Variants in RBM39 observed in about 807,000 individuals in gnomAD.
RBM39 encodes the protein RNA-binding protein 39.
Under a neutral mutation model 79.6 loss-of-function variants are expected in RBM39, and 12 were observed. The observed-to-expected ratio is 0.15, with a 90% CI of 0.10 to 0.24. The LOEUF is 0.24. Among genes scored for constraint, RBM39 ranks in the 10% least tolerant of loss-of-function variants. The probability of loss-of-function intolerance (pLI) is 1.00; values close to 1 mark genes in which losing one functional copy is unlikely to be tolerated. For missense variants in RBM39, 243 were observed against 653.4 expected, an observed-to-expected ratio of 0.37 and a Z score of 6.85; for synonymous variants, 185 against 208.4, an observed-to-expected ratio of 0.89 and a Z score of 0.97.
At chr20:35,719,957 A>G (rs1193264166) in intron 9 of RBM39, 2 of 265,576 alleles carry the variant, frequency 7.5e-6, no homozygotes, top group African/African-American at 4.7e-5. Flanking sequence ...TAATTTTTCT[A>G]TTTTTAGTAG....
chr20:35,738,391 G>A (rs965878146), intron 3 of RBM39, among the ~76,000 whole-genome samples: 1 of 152,146 alleles, frequency 6.6e-6, no homozygotes, highest in African/African-American at 2.4e-5. Context: ...CAAATAAAGT[G>A]TACAGATATA....
At chr20:35,741,705 G>A (rs190688538) in intron 1 of RBM39, 6 of 152,472 alleles carry the variant, frequency 3.9e-5, no homozygotes, top group African/African-American at 1.4e-4. Context: ...GGCCGGCCCA[G>A]GCCTCGAAGG....
At chr20:35,730,055 A>G (rs1392908242) in intron 4 of RBM39, among the ~76,000 whole-genome samples, 3 of 152,254 alleles carry the variant, frequency 2.0e-5, no homozygotes, top group Non-Finnish European at 4.4e-5. Context: ...TTAGTCATGC[A>G]ACTTAGGTAT....
intron 10 of RBM39, 70 bp from the exon 11 acceptor site, chr20:35,714,459 T>C: frequency 2.8e-6 from 4 of 1,443,926 alleles, no homozygotes; most frequent in South Asian, 1.5e-5. Context: ...TACTTAAAAA[T>C]ATATTTATAT....
chr20:35,721,931 T>C, intron 8 of RBM39, 54 bp from the exon 9 acceptor site: 1 of 1,556,444 alleles, frequency 6.4e-7, no homozygotes, highest in Non-Finnish European at 8.8e-7. Context: ...TTTAAAGACA[T>C]ACACCTTCCA....
intron 3 of RBM39, 113 bp downstream of exon 3, chr20:35,738,855 A>G: frequency 1.1e-6 from 1 of 936,154 alleles, no homozygotes; most frequent in Non-Finnish European, 1.6e-6. Flanking sequence ...TAAAAGCAGC[A>G]AAGAAAAGCT....
intron 9 of RBM39, among the ~76,000 whole-genome samples, chr20:35,718,980 A>G (rs1029281051): frequency 5.3e-5 from 8 of 152,072 alleles, no homozygotes; most frequent in Non-Finnish European, 1.2e-4. Flanking sequence ...AAAAAAAATA[A>G]TAAAATAAAC....
At chr20:35,708,815 A>C (rs571255391) in intron 13 of RBM39, 2 of 169,504 alleles carry the variant, frequency 1.2e-5, no homozygotes, top group Non-Finnish European at 2.6e-5. Flanking sequence ...AAAAAAGGTG[A>C]GTTTTATAGC....
intron 3 of RBM39, chr20:35,735,166 TG>T (rs2039776021): frequency 7.2e-7 from 1 of 1,380,118 alleles, no homozygotes; most frequent in African/African-American, 1.5e-5. Flanking sequence ...ATATTTCAAC[TG>T]TGTCATTTTA....
intron 12 of RBM39, 44 bp from the exon 13 acceptor site, chr20:35,709,318 G>A (rs781227754): frequency 1.4e-6 from 2 of 1,477,172 alleles, no homozygotes; most frequent in South Asian, 1.2e-5. Flanking sequence ...AACTAACAGG[G>A]TAAATGTCAG....
At chr20:35,713,284 C>T (rs932147238) in intron 11 of RBM39, 188 bp from the exon 12 acceptor site, 6 of 474,606 alleles carry the variant, frequency 1.3e-5, no homozygotes, top group African/African-American at 6.0e-5. Context: ...TCCCAGAGAT[C>T]GAGACCAACC....
chr20:35,716,547 G>A (rs2037155402), intron 10 of RBM39, among the ~76,000 whole-genome samples, 193 bp downstream of exon 10: 1 of 151,956 alleles, frequency 6.6e-6, no homozygotes, highest in Admixed American at 6.6e-5. Flanking sequence ...TTGTTACAAG[G>A]GCATATTACC....
intron 7 of RBM39, 111 bp from the exon 8 acceptor site, chr20:35,724,833 G>T: frequency 7.7e-6 from 10 of 1,306,460 alleles, no homozygotes; most frequent in Non-Finnish European, 8.4e-6. Flanking sequence ...AATTAAAAAA[G>T]TAAATCTGTA....
At chr20:35,707,358 T>C (rs1010130370) in intron 13 of RBM39, 157 bp from the exon 14 acceptor site, 13 of 431,758 alleles carry the variant, frequency 3.0e-5, no homozygotes, top group East Asian at 1.9e-4. Flanking sequence ...ATGTATGTTA[T>C]CAGTAGCTTT....
chr20:35,724,509 C>T, intron 8 of RBM39, 61 bp downstream of exon 8: 2 of 1,549,426 alleles, frequency 1.3e-6, no homozygotes, highest in Non-Finnish European at 1.8e-6. Context: ...AGCACTATAC[C>T]ATGCAACAGG....
chr20:35,740,009 G>A (rs2040355254), intron 2 of RBM39: 1 of 157,598 alleles, frequency 6.3e-6, no homozygotes, highest in South Asian at 1.8e-4. Context: ...TACTTTTACT[G>A]AGATACCGAA....
chr20:35,710,811 T>C (rs922866855), intron 12 of RBM39, among the ~76,000 whole-genome samples: 4 of 152,158 alleles, frequency 2.6e-5, no homozygotes, highest in African/African-American at 7.2e-5. Context: ...AAGAAATTTA[T>C]AGCAAGGCTA....
chr20:35,725,188 A>C (rs762146635), intron 6 of RBM39, 33 bp from the exon 7 acceptor site: 3 of 1,298,426 alleles, frequency 2.3e-6, no homozygotes, highest in Admixed American at 2.1e-5. Context: ...AATTAATTTC[A>C]TAACAGATTT....
intron 10 of RBM39, among the ~76,000 whole-genome samples, chr20:35,715,528 TA>T (rs1218742406): frequency 6.6e-6 from 1 of 152,050 alleles, no homozygotes; most frequent in Non-Finnish European, 1.5e-5. Context: ...GTATGTACAT[TA>T]AAAAAAGGAT....
Sources: gnomAD v4.1 joint callset for allele counts (sites outside exome capture counted in the v4.1 genomes callset) on GRCh38, gnomAD v4.1.1 for gene constraint, MANE v1.5 for transcripts, NCBI Gene and HGNC (gene_info 2026-07-23, HGNC 2026-07-21) for gene names.